CTNNA2: variants seen among roughly 807,000 people sequenced by gnomAD.
The protein encoded by CTNNA2 is catenin alpha-2.
A neutral mutation model predicts 101.0 loss-of-function variants in CTNNA2; 42 were observed. The observed-to-expected ratio is 0.42, with a 90% confidence interval of 0.32 to 0.54. The LOEUF is 0.54. Ranked by LOEUF, CTNNA2 falls within the 20% of genes least tolerant of loss-of-function variation. The probability of loss-of-function intolerance (pLI) is 0.14; values close to 1 mark genes in which losing one functional copy is unlikely to be tolerated. For missense variants in CTNNA2, 871 were observed against 1,223.1 expected (o/e 0.71, Z 4.29); for synonymous variants, 450 against 456.4 (o/e 0.99, Z 0.18).
intron 7 of CTNNA2, among the ~76,000 whole-genome samples, chr2:80,207,717 G>A (rs1421187226): frequency 1.3e-5 from 2 of 152,106 alleles, no homozygotes; most frequent in Admixed American, 6.5e-5. Context: ...GTGTGGGAGA[G>A]GGTTTAGGGA....
intron 2 of CTNNA2, among the ~76,000 whole-genome samples, chr2:79,286,982 C>A (rs971268069): frequency 1.3e-5 from 2 of 152,076 alleles, no homozygotes; most frequent in Non-Finnish European, 2.9e-5. Flanking sequence ...TCTAAACTTC[C>A]CTTCTTGCTT....
chr2:79,666,282 T>G (rs1682414130), intron 2 of CTNNA2, among the ~76,000 whole-genome samples: 1 of 152,244 alleles, frequency 6.6e-6, no homozygotes, highest in Non-Finnish European at 1.5e-5. Context: ...AATGTTTTAA[T>G]TGTAGAAAAT....
intron 4 of CTNNA2, among the ~76,000 whole-genome samples, chr2:79,491,277 G>T (rs967622482): frequency 6.6e-6 from 1 of 152,116 alleles, no homozygotes; most frequent in Non-Finnish European, 1.5e-5. Context: ...GGGGCTCAAT[G>T]TGGCAGTCTG....
At chr2:80,272,679 C>A (rs1210753435) in intron 7 of CTNNA2, among the ~76,000 whole-genome samples, 4 of 152,098 alleles carry the variant, frequency 2.6e-5, no homozygotes, top group South Asian at 2.1e-4. Context: ...ATACAGGACA[C>A]CTAGTTAAAT....
intron 4 of CTNNA2, among the ~76,000 whole-genome samples, chr2:79,407,944 G>A (rs1293911949): frequency 3.9e-5 from 6 of 151,976 alleles, no homozygotes; most frequent in African/African-American, 1.4e-4. Context: ...TAACCCACTA[G>A]CACACTGCTG....
chr2:79,481,536 A>G, intron 4 of CTNNA2, among the ~76,000 whole-genome samples: 1 of 152,202 alleles, frequency 6.6e-6, no homozygotes, highest in South Asian at 2.1e-4. Context: ...TTCTGTTAAG[A>G]GAGCGGATCT....
intron 7 of CTNNA2, among the ~76,000 whole-genome samples, chr2:79,992,263 G>A (rs1351034655): frequency 4.0e-5 from 6 of 151,760 alleles, no homozygotes; most frequent in African/African-American, 9.7e-5. Context: ...GAATGGCAAC[G>A]TTCACATTAG....
intron 3 of CTNNA2, among the ~76,000 whole-genome samples, chr2:79,337,900 G>A (rs530247938): frequency 1.8e-4 from 28 of 152,232 alleles, no homozygotes; most frequent in African/African-American, 6.0e-4. Context: ...TTTATTCAAG[G>A]AGGTAAGAGA....
chr2:80,227,549 G>A (rs1179040190), intron 7 of CTNNA2, among the ~76,000 whole-genome samples: 5 of 152,204 alleles, frequency 3.3e-5, no homozygotes, highest in African/African-American at 9.6e-5. Context: ...ACAGACAGGA[G>A]CTGCTTCTTG....
chr2:80,611,096 AT>A (rs1698433057), intron 17 of CTNNA2, among the ~76,000 whole-genome samples: 1 of 151,628 alleles, frequency 6.6e-6, no homozygotes, highest in African/African-American at 2.4e-5. Flanking sequence ...TTGTGAGCCA[AT>A]TCAGCTTAAC....
chr2:79,476,861 A>G (rs1671056067), intron 4 of CTNNA2, among the ~76,000 whole-genome samples: 1 of 152,302 alleles, frequency 6.6e-6, no homozygotes, highest in South Asian at 2.1e-4. Flanking sequence ...TTAGTGCCCC[A>G]GAAGACAGGT....
At chr2:80,228,391 G>A (rs1264406794) in intron 7 of CTNNA2, among the ~76,000 whole-genome samples, 1 of 152,008 alleles carries the variant, frequency 6.6e-6, no homozygotes, top group Non-Finnish European at 1.5e-5. Context: ...TCTTTTACAT[G>A]GGCACTAATA....
intron 7 of CTNNA2, among the ~76,000 whole-genome samples, chr2:80,253,234 G>T (rs1345387433): frequency 6.6e-6 from 1 of 152,058 alleles, no homozygotes; most frequent in African/African-American, 2.4e-5. Context: ...AACCTTTCTG[G>T]AGCCATTGTC....
At chr2:79,448,313 TTTC>T (rs1317706610) in intron 4 of CTNNA2, among the ~76,000 whole-genome samples, 7 of 152,026 alleles carry the variant, frequency 4.6e-5, no homozygotes, top group Non-Finnish European at 7.4e-5. Flanking sequence ...TTATGAACTG[TTTC>T]TTCAAGTGTA....
chr2:80,182,701 A>T (rs1025279735), intron 7 of CTNNA2, among the ~76,000 whole-genome samples: 2 of 152,220 alleles, frequency 1.3e-5, no homozygotes, highest in African/African-American at 4.8e-5. Flanking sequence ...TTGCCCAAGT[A>T]GGCCTCTCTG....
chr2:79,533,641 T>C (rs1672881426), intron 1 of CTNNA2, among the ~76,000 whole-genome samples: 1 of 152,246 alleles, frequency 6.6e-6, no homozygotes, highest in South Asian at 2.1e-4. Flanking sequence ...TAATGGCACA[T>C]GTTCCTAATG....
intron 7 of CTNNA2, among the ~76,000 whole-genome samples, chr2:80,310,819 A>G (rs1340369967): frequency 6.6e-6 from 1 of 152,050 alleles, no homozygotes; most frequent in Non-Finnish European, 1.5e-5. Context: ...TGAAAATACA[A>G]AAAATTAGCT....
At chr2:79,187,679 C>G (rs1303952726) in intron 1 of CTNNA2, among the ~76,000 whole-genome samples, 1 of 151,986 alleles carries the variant, frequency 6.6e-6, no homozygotes, top group African/African-American at 2.4e-5. Context: ...ATCATTGTAG[C>G]AAAAAATTCA....
intron 3 of CTNNA2, among the ~76,000 whole-genome samples, chr2:79,815,464 G>A (rs1224100238): frequency 1.3e-5 from 2 of 151,998 alleles, no homozygotes. Flanking sequence ...GAGAAATGAG[G>A]ATCCAGTTTC....
Sources: allele counts gnomAD v4.1 joint callset (sites outside exome capture counted in the v4.1 genomes callset), GRCh38; gene constraint gnomAD v4.1.1; transcripts MANE v1.5; gene names NCBI Gene and HGNC (gene_info 2026-07-23, HGNC 2026-07-21).